Variants in RALYL observed in about 807,000 individuals in gnomAD.
The protein encoded by RALYL is RALY RNA binding protein like, also known as RNA-binding Raly-like protein.
In RALYL, 29 loss-of-function variants were observed where a neutral mutation model predicts 35.1. The observed-to-expected ratio is 0.83, with a 90% CI of 0.61 to 1.13. The LOEUF (loss-of-function observed/expected upper bound fraction) is 1.13, where lower values mean the gene tolerates loss of function less well. RALYL is among the 50% of genes most tolerant of loss of function. The pLI, the probability that RALYL is intolerant of heterozygous loss-of-function variation, is 0.00. For missense variants in RALYL, 359 were observed against 360.4 expected (o/e 1.00, Z 0.03); for synonymous variants, 120 against 127.6 (o/e 0.94, Z 0.40).
chr8:84,683,905 C>T (rs73613800), intron 2 of RALYL, among the ~76,000 whole-genome samples: 39 of 152,124 alleles, frequency 2.6e-4, no homozygotes, highest in African/African-American at 9.2e-4. Flanking sequence ...AGACTGATCT[C>T]GAACTCCCGA....
At chr8:84,546,539 CTG>C (rs1168682513) in intron 2 of RALYL, among the ~76,000 whole-genome samples, 1 of 152,198 alleles carries the variant, frequency 6.6e-6, no homozygotes, top group African/African-American at 2.4e-5. Context: ...AGATAGATGA[CTG>C]TGAATTAATG....
chr8:84,232,880 T>C (rs556490023), intron 1 of RALYL, among the ~76,000 whole-genome samples: 9 of 152,268 alleles, frequency 5.9e-5, no homozygotes, highest in Middle Eastern at 3.4e-3. Context: ...AAACAGCCAT[T>C]AAAAGTGGTA....
At chr8:84,405,205 A>T (rs984358696) in intron 1 of RALYL, among the ~76,000 whole-genome samples, 4 of 152,228 alleles carry the variant, frequency 2.6e-5, no homozygotes, top group Non-Finnish European at 4.4e-5. Context: ...TCTGGAACAC[A>T]GCTAAAGCAG....
chr8:84,844,277 A>T (rs1433624068), intron 4 of RALYL, among the ~76,000 whole-genome samples: 1 of 152,220 alleles, frequency 6.6e-6, no homozygotes, highest in South Asian at 2.1e-4. Flanking sequence ...TACAAGAAAA[A>T]AACAAACAAC....
rs563925561 is a variant in RALYL at position 84,747,473 on chromosome 8, CAG to C, written c.257-27101_257-27100del. The stretch of plus-strand genomic sequence containing the variant: ...TTCTCTATATAGTTAATCTCATTTA[CAG>C]AGAGTTAATTATATTATCTTAAACA... On this transcript the variant is annotated intron_variant, in intron 2 of 8. Coordinates refer to ENST00000521268, the MANE Select transcript of RALYL (RefSeq NM_173848.7). Among the ~76,000 whole-genome samples the C allele has an allele frequency of 1.4e-4, 22 of 151,918 alleles. No individual in the cohort carries two copies. The South Asian group carries it at 3.1e-3, about 22-fold the overall frequency.
intron 8 of RALYL, among the ~76,000 whole-genome samples, chr8:84,901,158 G>C (rs1220745772): frequency 6.6e-6 from 1 of 152,122 alleles, no homozygotes; most frequent in African/African-American, 2.4e-5. Flanking sequence ...GAAGCTGGGG[G>C]AAGATTTATA....
chr8:84,261,117 T>TA (rs1392407224), intron 1 of RALYL, among the ~76,000 whole-genome samples: 2 of 151,844 alleles, frequency 1.3e-5, no homozygotes, highest in African/African-American at 4.8e-5. Context: ...GTTTTTTTTT[T>TA]TATAATTTAC....
intron 2 of RALYL, among the ~76,000 whole-genome samples, chr8:84,589,300 T>A (rs1812708104): frequency 6.6e-6 from 1 of 152,208 alleles, no homozygotes; most frequent in Non-Finnish European, 1.5e-5. Flanking sequence ...AACATATGGA[T>A]AGGAGAAAAA....
intron 4 of RALYL, among the ~76,000 whole-genome samples, chr8:84,849,099 A>G (rs952077983): frequency 2.0e-5 from 3 of 152,230 alleles, no homozygotes; most frequent in African/African-American, 7.2e-5. Context: ...AAATGCATAT[A>G]AAGTGCTTCG....
chr8:84,670,421 T>C (rs1462061288), intron 2 of RALYL, among the ~76,000 whole-genome samples: 1 of 152,090 alleles, frequency 6.6e-6, no homozygotes, highest in Non-Finnish European at 1.5e-5. Context: ...CCAAACAAAG[T>C]GATGATTATA....
intron 1 of RALYL, among the ~76,000 whole-genome samples, chr8:84,260,752 T>C (rs1832109916): frequency 6.6e-6 from 1 of 152,174 alleles, no homozygotes; most frequent in Admixed American, 6.5e-5. Context: ...AGATGTGAGT[T>C]CTGGAATAGC....
intron 1 of RALYL, among the ~76,000 whole-genome samples, chr8:84,463,743 TCTAA>T (rs555436244): frequency 9.2e-5 from 14 of 152,086 alleles, no homozygotes; most frequent in Non-Finnish European, 1.6e-4. Context: ...TGAAAATAAT[TCTAA>T]CTAAGGTTTA....
intron 7 of RALYL, among the ~76,000 whole-genome samples, chr8:84,874,064 C>A (rs1033486673): frequency 6.6e-6 from 1 of 152,084 alleles, no homozygotes; most frequent in Non-Finnish European, 1.5e-5. Context: ...TAGAAGTAGG[C>A]CACAGTTTGA....
chr8:84,437,223 C>T (rs1487775680), intron 1 of RALYL, among the ~76,000 whole-genome samples: 1 of 152,086 alleles, frequency 6.6e-6, no homozygotes, highest in African/African-American at 2.4e-5. Context: ...AGCTGTGTAG[C>T]ATTTCATGGT....
chr8:84,486,009 C>CTTTT (rs3043836), intron 1 of RALYL, among the ~76,000 whole-genome samples: 13 of 104,926 alleles, frequency 1.2e-4, no homozygotes, highest in Non-Finnish European at 1.3e-4. Flanking sequence ...AAATCAAAAG[C>CTTTT]TTTTTTTTTT....
intron 1 of RALYL, among the ~76,000 whole-genome samples, chr8:84,375,331 C>T (rs1283953611): frequency 6.6e-6 from 1 of 151,754 alleles, no homozygotes; most frequent in Non-Finnish European, 1.5e-5. Context: ...CCAGTATGAG[C>T]CAAGTCCCTA....
At chr8:84,331,077 G>A (rs1196588671) in intron 1 of RALYL, among the ~76,000 whole-genome samples, 2 of 151,966 alleles carry the variant, frequency 1.3e-5, no homozygotes, top group African/African-American at 4.8e-5. Context: ...TTATAAGCAG[G>A]AAGAACAGTG....
intron 8 of RALYL, among the ~76,000 whole-genome samples, chr8:84,903,087 C>A (rs17799389): frequency 6.6e-6 from 1 of 151,752 alleles, no homozygotes; most frequent in Non-Finnish European, 1.5e-5. Context: ...TTATGCATAC[C>A]CCTTGTAACT....
chr8:84,737,863 T>TA (rs1454286344), intron 2 of RALYL, among the ~76,000 whole-genome samples: 2 of 152,006 alleles, frequency 1.3e-5, no homozygotes, highest in Non-Finnish European at 2.9e-5. Flanking sequence ...AGCATGCTCT[T>TA]ACCAGACACA....
Sources: allele counts gnomAD v4.1 joint callset (sites outside exome capture counted in the v4.1 genomes callset), GRCh38; gene constraint gnomAD v4.1.1; transcripts MANE v1.5; gene names NCBI Gene and HGNC (gene_info 2026-07-23, HGNC 2026-07-21).